The following ADAM18 variants were observed in gnomAD, a reference collection of about 807,000 sequenced individuals.
The protein encoded by ADAM18 is disintegrin and metalloproteinase domain-containing protein 18.
Under a neutral mutation model 94.4 loss-of-function variants are expected in ADAM18, and 117 were observed. The observed-to-expected ratio is 1.24, with a 90% CI of 1.07 to 1.45. The LOEUF (loss-of-function observed/expected upper bound fraction) is 1.45, where lower values mean the gene tolerates loss of function less well. ADAM18 is among the 40% of genes most tolerant of loss of function. The pLI, the probability that ADAM18 is intolerant of heterozygous loss-of-function variation, is 0.00. For synonymous variants in ADAM18, 327 were observed against 291.6 expected, an observed-to-expected ratio of 1.12 and a Z score of -1.24; for missense variants, 936 against 880.0, an observed-to-expected ratio of 1.06 and a Z score of -0.81.
chr8:39,585,261 AT>A lies in ADAM18; in HGVS notation c.56-11del. 2 of 1,605,934 alleles carry A rather than the reference AT, an allele frequency of 1.2e-6. No homozygotes were observed. The highest frequency in any genetic ancestry group is 1.7e-4 in the Middle Eastern group (1 of 6,056). On this transcript the variant is annotated splice_polypyrimidine_tract_variant and intron_variant, in intron 1 of 19. Coordinates refer to ENST00000265707, the MANE Select transcript of ADAM18 (RefSeq NM_014237.3). ...GCAAAACAAAGACAAAAACAAACAC[AT>A]TTTCTTACTGCAGGTTCTGAAGGAA...
intron 2 of ADAM18, among the ~76,000 whole-genome samples, chr8:39,600,265 T>A (rs1818863995): frequency 6.6e-6 from 1 of 152,218 alleles, no homozygotes; most frequent in Non-Finnish European, 1.5e-5. Context: ...TTTAAAATTA[T>A]TTCTAAATTC....
At chr8:39,596,137 C>T (rs1290610320) in intron 2 of ADAM18, among the ~76,000 whole-genome samples, 1 of 152,076 alleles carries the variant, frequency 6.6e-6, no homozygotes, top group Non-Finnish European at 1.5e-5. Flanking sequence ...GGATGTGCGG[C>T]CTCGCTGACT....
intron 2 of ADAM18, among the ~76,000 whole-genome samples, chr8:39,594,793 G>GTTTTTTTTTTTTTTTT (rs71237182): frequency 2.1e-5 from 1 of 46,870 alleles, no homozygotes; most frequent in Admixed American, 2.6e-4. Flanking sequence ...TTTGCTGTGA[G>GTTTTTTTTTTTTTTTT]TTTTTTTTTT....
At chr8:39,700,414 A>T (rs1822033734) in intron 17 of ADAM18, among the ~76,000 whole-genome samples, 1 of 152,184 alleles carries the variant, frequency 6.6e-6, no homozygotes, top group African/African-American at 2.4e-5. Flanking sequence ...TAAACACAAA[A>T]ATTGATATGA....
At chr8:39,667,925 G>A (rs1821035413) in intron 13 of ADAM18, 73 bp from the exon 14 acceptor site, 2 of 1,440,048 alleles carry the variant, frequency 1.4e-6, no homozygotes, top group Non-Finnish European at 9.7e-7. Flanking sequence ...CATTTTATGT[G>A]ATAAATCTTT....
At chr8:39,679,482 CAT>C (rs2129580519) in intron 15 of ADAM18, among the ~76,000 whole-genome samples, 1 of 152,200 alleles carries the variant, frequency 6.6e-6, no homozygotes, top group African/African-American at 2.4e-5. Context: ...ATGTTTGTGG[CAT>C]AGAGGGGATC....
At chr8:39,640,603 C>T (rs1028632558) in intron 10 of ADAM18, among the ~76,000 whole-genome samples, 1 of 152,140 alleles carries the variant, frequency 6.6e-6, no homozygotes. Flanking sequence ...GGAATTGCCA[C>T]ACTGTGTTCC....
At chr8:39,665,992 A>C (rs1820985164) in intron 13 of ADAM18, among the ~76,000 whole-genome samples, 1 of 151,892 alleles carries the variant, frequency 6.6e-6, no homozygotes, top group Admixed American at 6.6e-5. Flanking sequence ...ACCTCCCTTT[A>C]CTATTTCTTG....
chr8:39,588,327 A>C (rs1818468973), intron 2 of ADAM18, among the ~76,000 whole-genome samples: 1 of 151,376 alleles, frequency 6.6e-6, no homozygotes, highest in Non-Finnish European at 1.5e-5. Context: ...AATGATATTG[A>C]GTACTATTTC....
chr8:39,589,276 A>G (rs983431361), intron 2 of ADAM18, among the ~76,000 whole-genome samples: 1 of 152,140 alleles, frequency 6.6e-6, no homozygotes, highest in Admixed American at 6.5e-5. Context: ...TCTTTATGTG[A>G]TTAATTTATG....
chr8:39,659,532 A>G (rs1470461464), intron 12 of ADAM18, among the ~76,000 whole-genome samples: 1 of 152,116 alleles, frequency 6.6e-6, no homozygotes, highest in African/African-American at 2.4e-5. Flanking sequence ...ATAATCAATG[A>G]GATGTCTCTG....
At chr8:39,676,883 T>C (rs1056866479) in intron 14 of ADAM18, among the ~76,000 whole-genome samples, 1 of 152,222 alleles carries the variant, frequency 6.6e-6, no homozygotes, top group African/African-American at 2.4e-5. Flanking sequence ...CAGGGTTAAG[T>C]TTACTCTGTT....
At chr8:39,658,127 T>C (rs1431011458) in intron 12 of ADAM18, among the ~76,000 whole-genome samples, 1 of 152,186 alleles carries the variant, frequency 6.6e-6, no homozygotes, top group Non-Finnish European at 1.5e-5. Flanking sequence ...TTTTATTAAC[T>C]GAGTGAAATG....
intron 14 of ADAM18, among the ~76,000 whole-genome samples, chr8:39,669,392 C>T (rs1191157792): frequency 6.7e-6 from 1 of 149,688 alleles, no homozygotes; most frequent in African/African-American, 2.5e-5. Context: ...TATACATGTG[C>T]CATGTTGGTG....
intron 19 of ADAM18, among the ~76,000 whole-genome samples, chr8:39,727,993 G>T (rs1205911752): frequency 6.6e-6 from 1 of 152,128 alleles, no homozygotes; most frequent in South Asian, 2.1e-4. Context: ...TTTTAGGGAG[G>T]CCTCAGGAAG....
In ADAM18 at chr8:39,677,477, G is replaced by T; in HGVS notation, c.1572G>T (p.Leu524=). ...CCTGTTTTAAAGAAGTTAATTCTCT[G>T]CATGAAAGATCTGAAAACTGTGGTT... ...PFACFKEVNS[L]HERSENCGFK... Residue 524 remains leucine (L), a synonymous_variant, in exon 15 of 20, where the codon CTG becomes CTT. Coordinates refer to ENST00000265707, the MANE Select transcript of ADAM18 (RefSeq NM_014237.3). The T allele has an allele frequency of 6.2e-7, 1 of 1,611,018 alleles. No individual in the cohort carries two copies. Among genetic ancestry groups the T allele is most frequent in the Non-Finnish European group, 8.5e-7 (1 of 1,179,340 alleles).
chr8:39,714,038 C>T (rs1314891611), intron 18 of ADAM18, among the ~76,000 whole-genome samples: 1 of 152,174 alleles, frequency 6.6e-6, no homozygotes, highest in Non-Finnish European at 1.5e-5. Flanking sequence ...TTGGAACCAA[C>T]CCAAATGTCC....
At chr8:39,643,457 CTTTTAAGATATA>C (rs1820290280) in intron 10 of ADAM18, among the ~76,000 whole-genome samples, 1 of 152,016 alleles carries the variant, frequency 6.6e-6, no homozygotes, top group South Asian at 2.1e-4. Context: ...TTCCTGGGCA[CTTTTAAGATATA>C]TTACTTTGGG....
In ADAM18 at chr8:39,610,678, A is replaced by G. The variant is rs749142259; in HGVS notation, c.494A>G (p.Gln165Arg). ...TACAGTCATATTTGGCAGAAAGACC[A>G]GCCCTACAAAGTTCCTTTAAACTCA... ...VNYSHIWQKDQPYKVPLNSQI... is the reference protein window; with the variant it reads ...VNYSHIWQKDRPYKVPLNSQI... The change falls in exon 6 of 20, where the codon CAG becomes CGG. Residue 165 changes from glutamine to arginine, a missense_variant. Coordinates refer to ENST00000265707, the MANE Select transcript of ADAM18 (RefSeq NM_014237.3). 3 of 1,613,360 alleles carry G rather than the reference A, an allele frequency of 1.9e-6. No individual in the cohort carries two copies. The highest frequency in any genetic ancestry group is 2.2e-5 in the East Asian group (1 of 44,762).
Sources: gnomAD v4.1 joint callset for allele counts (sites outside exome capture counted in the v4.1 genomes callset) on GRCh38, gnomAD v4.1.1 for gene constraint, MANE v1.5 for transcripts, NCBI Gene and HGNC (gene_info 2026-07-23, HGNC 2026-07-21) for gene names.